MCM8: variants seen among roughly 807,000 people sequenced by gnomAD.
MCM8 encodes DNA helicase MCM8.
A neutral mutation model predicts 98.9 loss-of-function variants in MCM8; 85 were observed. That is an observed-to-expected ratio of 0.86 (90% CI 0.72 to 1.03). The LOEUF (loss-of-function observed/expected upper bound fraction) is 1.03, where lower values mean the gene tolerates loss of function less well. Among genes scored for constraint, MCM8 ranks in the 50% least tolerant of loss-of-function variants. The probability of loss-of-function intolerance (pLI) is 0.00; values close to 1 mark genes in which losing one functional copy is unlikely to be tolerated. For synonymous variants in MCM8, 352 were observed against 338.6 expected, an observed-to-expected ratio of 1.04 and a Z score of -0.44; for missense variants, 951 against 997.8, an observed-to-expected ratio of 0.95 and a Z score of 0.63.
At position 5,955,168 on chromosome 20, in the gene MCM8, A is replaced by G. The variant is rs1313516164; in HGVS notation, c.403A>G (p.Thr135Ala). 1 of 1,613,612 alleles carries G rather than the reference A, an allele frequency of 6.2e-7. No individual in the cohort carries two copies. Among genetic ancestry groups the G allele is most frequent in the African/African-American group, 1.3e-5 (1 of 74,936 alleles). The change falls in exon 5 of 19, where the codon ACT (threonine) becomes GCT (alanine). Residue 135 changes from threonine (T) to alanine (A), a missense_variant. By Grantham distance (58) the Thr-to-Ala change is moderately conservative. Transcript: ENST00000610722. ...FKELTEGGEV[T>A]NLIPDIATEL... ...AGAACTGACAGAAGGTGGTGAAGTA[A>G]CTAACTTGATACCAGATATAGCAAC...
At chr20:5,970,818 T>C (rs2122735060) in intron 10 of MCM8, among the ~76,000 whole-genome samples, 1 of 152,152 alleles carries the variant, frequency 6.6e-6, no homozygotes, top group East Asian at 1.9e-4. Flanking sequence ...TTTCTCTTAA[T>C]TTTTTTTAGA....
Position 5,977,960 on chromosome 20 carries a change from G to C in MCM8, c.1480G>C (p.Asp494His). The stretch of plus-strand genomic sequence containing the variant: ...TGGTCTGACGGTAACTCTTTCAAAA[G>C]ATAGTTCCTCTGGAGATTTTGCTTT... ...TSGLTVTLSK[D>H]SSSGDFALEA... Residue 494 changes from aspartate (D) to histidine (H), a missense_variant, in exon 13 of 19, where the codon GAT (aspartate) becomes CAT (histidine). Coordinates refer to ENST00000610722, the MANE Select transcript of MCM8 (RefSeq NM_032485.6). The C allele has an allele frequency of 1.9e-6, 3 of 1,614,242 alleles. No homozygotes were observed. The highest frequency in any genetic ancestry group is 1.7e-6 in the Non-Finnish European group (2 of 1,180,048).
chr20:5,984,759 T>G lies in MCM8; in HGVS notation c.1734-22T>G, dbSNP rs372632068. On this transcript the variant is annotated intron_variant, in intron 14 of 18. Coordinates refer to ENST00000610722, the MANE Select transcript of MCM8 (RefSeq NM_032485.6). Reference sequence around the variant, plus strand: ...TCCTTTTGATTCCAATCATTGTTTCTTCTTTCTTTCATCCTTCATAGAATG... The same window carrying G: ...TCCTTTTGATTCCAATCATTGTTTCGTCTTTCTTTCATCCTTCATAGAATG... The G allele has an allele frequency of 7.7e-6, 12 of 1,561,268 alleles. No individual in the cohort carries two copies. The African/African-American group carries it at 1.6e-4, about 21-fold the overall frequency.
chr20:5,952,259 T>C, intron 2 of MCM8, 96 bp downstream of exon 2: 1 of 1,567,360 alleles, frequency 6.4e-7, no homozygotes, highest in Non-Finnish European at 8.6e-7. Context: ...AGTTTGTCTT[T>C]TATTTCATGC....
chr20:5,960,628 A>T (rs1402106238), intron 7 of MCM8, among the ~76,000 whole-genome samples: 2 of 152,090 alleles, frequency 1.3e-5, no homozygotes, highest in African/African-American at 4.8e-5. Flanking sequence ...TGTATATTTT[A>T]TGCCCTGCTT....
Position 5,952,477 on chromosome 20 carries a change from A to G in MCM8, c.202A>G (p.Thr68Ala). ...AAAGACCCCACAGTCAATGCAGTCA[A>G]CATTGGATCGATTCATACCATATAA... is the stretch of plus-strand genomic sequence containing the variant. ...STKTPQSMQS[T>A]LDRFIPYKGW... Residue 68 changes from threonine (T) to alanine (A), a missense_variant, in exon 3 of 19, where the codon ACA becomes GCA. Thr to Ala is a moderately conservative substitution (Grantham distance 58, BLOSUM62 0). Transcript: ENST00000610722. 1 of 1,614,138 alleles carries G rather than the reference A, an allele frequency of 6.2e-7. No homozygotes were observed. The highest frequency in any genetic ancestry group is 8.5e-7 in the Non-Finnish European group (1 of 1,180,002).
intron 17 of MCM8, among the ~76,000 whole-genome samples, chr20:5,989,325 A>G (rs531890470): frequency 2.8e-4 from 42 of 152,216 alleles, no homozygotes; most frequent in African/African-American, 8.7e-4. Flanking sequence ...CATGTTGGCC[A>G]GGATGGTCTC....
intron 13 of MCM8, among the ~76,000 whole-genome samples, 193 bp from the exon 14 acceptor site, chr20:5,982,777 A>G (rs2089654542): frequency 6.6e-6 from 1 of 152,258 alleles, no homozygotes; most frequent in South Asian, 2.1e-4. Flanking sequence ...ACTATTACAC[A>G]AAACTTAGTT....
intron 1 of MCM8, 42 bp from the exon 2 acceptor site, chr20:5,951,969 C>T (rs1568564739): frequency 1.9e-6 from 3 of 1,559,010 alleles, no homozygotes; most frequent in African/African-American, 1.4e-5. Flanking sequence ...CACTATTTTC[C>T]TTACAGTTTT....
Position 5,998,871 on chromosome 20 carries a change from G to C in MCM8, c.*4480G>C, listed in dbSNP as rs1369190064. 1 of 152,146 alleles carries C rather than the reference G, an allele frequency of 6.6e-6. No homozygotes were observed. The highest frequency in any genetic ancestry group is 2.4e-5 in the African/African-American group (1 of 41,416). The allele number at this position is 152,146 out of a possible 1,614,324, so 9.4% of individuals were successfully genotyped here. A position where few individuals can be genotyped will look rare whatever the true frequency, so the allele number is the denominator to read the frequency against. The stretch of plus-strand genomic sequence containing the variant: ...GGCTTGCTCTAGAGCGTGGGCTTGG[G>C]AATGGAAAGGCAGAGTGCACCTATT... On this transcript the variant is annotated 3_prime_UTR_variant, in exon 19 of 19. Coordinates refer to ENST00000610722, the MANE Select transcript of MCM8 (RefSeq NM_032485.6).
chr20:5,991,590 T>C (rs569860874), intron 17 of MCM8: 6 of 152,244 alleles, frequency 3.9e-5, no homozygotes, highest in African/African-American at 1.2e-4. Context: ...AAAAAGAAAA[T>C]AGTTTGATTG....
chr20:5,963,738 G>A (rs1182433801), intron 8 of MCM8, among the ~76,000 whole-genome samples: 1 of 151,874 alleles, frequency 6.6e-6, no homozygotes, highest in African/African-American at 2.4e-5. Flanking sequence ...AGGTTTCACC[G>A]TGTTAGCCAG....
chr20:5,963,971 C>T (rs1212841068), intron 8 of MCM8, among the ~76,000 whole-genome samples: 1 of 152,140 alleles, frequency 6.6e-6, no homozygotes, highest in Non-Finnish European at 1.5e-5. Context: ...AGGCCATAAG[C>T]AAAGCTGTGT....
In MCM8 at chr20:5,963,525, C is replaced by CT. The variant is rs34718923; in HGVS notation, c.875+187dup. Among the ~76,000 whole-genome samples the CT allele has an allele frequency of 7.5e-3, 825 of 110,428 alleles. 3 individuals are homozygous for CT. Among genetic ancestry groups the CT allele is most frequent in the Middle Eastern group, 0.01 (2 of 198 alleles). 72.4% of individuals were successfully genotyped at this position (110,428 alleles called of 152,430 possible). The stretch of plus-strand genomic sequence containing the variant: ...GAAGAGTTTGTATGTTAAAATAATT[C>CT]TTTTTTTTTTTTTTTTTTTTTGAGA... On this transcript the variant is annotated intron_variant, in intron 8 of 18. Coordinates refer to ENST00000610722, the MANE Select transcript of MCM8 (RefSeq NM_032485.6).
rs1172766061 is a variant in MCM8 at position 5,977,823 on chromosome 20, C to T, written c.1396-53C>T. On this transcript the variant is annotated intron_variant, in intron 12 of 18. Transcript: ENST00000610722. ...AACGTTTGTGAGCAACTGCTGTTAG[C>T]TATTACTTCCCTTTTACTTTGGATG... The T allele has an allele frequency of 1.9e-6, 3 of 1,595,838 alleles. No individual in the cohort carries two copies. The African/African-American group carries it at 4.0e-5, about 21-fold the overall frequency.
Position 5,967,858 on chromosome 20 carries a change from G to A in MCM8, c.1056G>A (p.Met352Ile). ...CTCGAAATAAGAATGACAAGTGTAT[G>A]TTCCTTTTGTATATTGAAGCAAATT... ...EGSRNKNDKC[M>I]FLLYIEANSI... Residue 352 changes from methionine to isoleucine, a missense_variant, in exon 10 of 19, where the codon ATG (methionine) becomes ATA (isoleucine). By Grantham distance (10) the Met-to-Ile change is conservative. Coordinates refer to ENST00000610722, the MANE Select transcript of MCM8 (RefSeq NM_032485.6). 6.2e-7 allele frequency: 1 copy of A among 1,611,642 alleles called. No homozygotes were observed.
At position 5,981,498 on chromosome 20, in the gene MCM8, C is replaced by G. The variant is rs907325520; in HGVS notation, c.1538-1472C>G. ...AAGGTGGCACAAAGTTCAACAAAGC[C>G]CCCCTTGCTTCCCCCTCCTAAATCA... On this transcript the variant is annotated intron_variant, in intron 13 of 18. Transcript: ENST00000610722. Among the ~76,000 whole-genome samples the G allele has an allele frequency of 3.3e-5, 5 of 152,094 alleles. No homozygotes were observed. The East Asian group carries it at 5.8e-4, about 18-fold the overall frequency.
In MCM8 at chr20:5,975,027, G is replaced by A. The variant is rs116333670; in HGVS notation, c.1395+1831G>A. 1.7e-3 allele frequency among the ~76,000 whole-genome samples: 258 copies of A among 152,344 alleles called. 1 individual carries two copies. The highest frequency in any genetic ancestry group is 6.1e-3 in the African/African-American group (254 of 41,574). ...TAATCCTAACACTTTGGGAGGCCAAGTCGGAAGGATTACTTGAGGCCTGGA... is the reference window on the plus strand; with the variant it reads ...TAATCCTAACACTTTGGGAGGCCAAATCGGAAGGATTACTTGAGGCCTGGA... On this transcript the variant is annotated intron_variant, in intron 12 of 18. Transcript: ENST00000610722.
Position 5,994,977 on chromosome 20 carries a change from A to C in MCM8, c.*586A>C, listed in dbSNP as rs2089935804. ...TGTTAAATAAATTCTCCAAAGGGCT[A>C]AAAGTAAATTACTTATAAATTTTTT... On this transcript the variant is annotated 3_prime_UTR_variant, in exon 19 of 19. Transcript: ENST00000610722. 1.1e-5 allele frequency: 2 copies of C among 178,174 alleles called. No homozygotes were observed. The highest frequency in any genetic ancestry group is 1.1e-4 in the Admixed American group (2 of 17,784). 11.0% of individuals were successfully genotyped at this position (178,174 alleles called of 1,614,324 possible).
Sources: gnomAD v4.1 joint callset for allele counts (sites outside exome capture counted in the v4.1 genomes callset) on GRCh38, gnomAD v4.1.1 for gene constraint, MANE v1.5 for transcripts, NCBI Gene and HGNC (gene_info 2026-07-23, HGNC 2026-07-21) for gene names.